The following RASAL2 variants were observed in gnomAD, a reference collection of about 807,000 sequenced individuals.
RASAL2 encodes the protein ras GTPase-activating protein nGAP.
RASAL2 carries 58 observed loss-of-function variants against 128.9 expected under a neutral mutation model. That is an observed-to-expected ratio of 0.45 (90% CI 0.36 to 0.56). RASAL2 has a LOEUF of 0.56. Among genes scored for constraint, RASAL2 ranks in the 20% least tolerant of loss-of-function variants. The pLI, the probability that RASAL2 is intolerant of heterozygous loss-of-function variation, is 0.00. For synonymous variants in RASAL2, 561 were observed against 580.8 expected (o/e 0.97, Z 0.49); for missense variants, 1,360 against 1,601.6 (o/e 0.85, Z 2.57).
At chr1:178,471,275 GA>G (rs1168185028) in intron 17 of RASAL2, among the ~76,000 whole-genome samples, 1 of 152,082 alleles carries the variant, frequency 6.6e-6, no homozygotes, top group African/African-American at 2.4e-5. Flanking sequence ...TGCGAGTAGG[GA>G]GGGGGGAATA....
intron 17 of RASAL2, 113 bp downstream of exon 17, chr1:178,467,534 T>G (rs1329226461): frequency 1.3e-6 from 1 of 778,642 alleles, no homozygotes. Flanking sequence ...CATTGAAAAG[T>G]TCTAGACGCT....
intron 1 of RASAL2, among the ~76,000 whole-genome samples, chr1:178,228,085 A>G (rs1663859064): frequency 6.6e-6 from 1 of 152,248 alleles, no homozygotes; most frequent in South Asian, 2.1e-4. Flanking sequence ...ATAATAGAAC[A>G]TAATTTTGAG....
intron 1 of RASAL2, among the ~76,000 whole-genome samples, chr1:178,248,864 G>A (rs758519659): frequency 1.1e-4 from 16 of 152,050 alleles, no homozygotes; most frequent in Admixed American, 5.9e-4. Flanking sequence ...TTGACTATTG[G>A]CCCCCACTCT....
intron 9 of RASAL2, among the ~76,000 whole-genome samples, chr1:178,447,444 C>T (rs1677081737): frequency 6.6e-6 from 1 of 151,856 alleles, no homozygotes; most frequent in Non-Finnish European, 1.5e-5. Context: ...GAGGCCGAGG[C>T]AGGCCCACCA....
intron 1 of RASAL2, among the ~76,000 whole-genome samples, chr1:178,142,525 T>A (rs187443000): frequency 2.0e-4 from 31 of 152,334 alleles, no homozygotes; most frequent in Admixed American, 1.2e-3. Context: ...GGCTAAGTCC[T>A]GCTCTTTGGG....
chr1:178,301,861 A>G (rs978499059), intron 3 of RASAL2, among the ~76,000 whole-genome samples: 3 of 152,192 alleles, frequency 2.0e-5, no homozygotes, highest in Admixed American at 2.0e-4. Flanking sequence ...AGAGAGAACT[A>G]TATAGGAAAT....
intron 3 of RASAL2, among the ~76,000 whole-genome samples, chr1:178,355,987 G>A (rs913570883): frequency 2.6e-5 from 4 of 152,062 alleles, no homozygotes; most frequent in African/African-American, 9.7e-5. Flanking sequence ...TGGCCAGGAT[G>A]GCGAAACCCC....
chr1:178,158,289 C>T (rs1661151185), intron 1 of RASAL2, among the ~76,000 whole-genome samples: 1 of 152,204 alleles, frequency 6.6e-6, no homozygotes, highest in Admixed American at 6.5e-5. Context: ...GGTTCAAAAT[C>T]CCGTTCTGCC....
chr1:178,424,818 A>G (rs1675416045), intron 5 of RASAL2, among the ~76,000 whole-genome samples: 1 of 152,214 alleles, frequency 6.6e-6, no homozygotes, highest in South Asian at 2.1e-4. Context: ...ACTTTAAGAT[A>G]GCAGAAAAAC....
At chr1:178,143,408 G>A (rs1660604317) in intron 1 of RASAL2, among the ~76,000 whole-genome samples, 2 of 151,796 alleles carry the variant, frequency 1.3e-5, no homozygotes, top group South Asian at 4.2e-4. Flanking sequence ...TAAAAAGGGT[G>A]TTTTTTATTC....
intron 1 of RASAL2, among the ~76,000 whole-genome samples, chr1:178,265,982 AC>A (rs1180553433): frequency 6.6e-6 from 1 of 152,200 alleles, no homozygotes; most frequent in African/African-American, 2.4e-5. Context: ...TTTATGAATT[AC>A]CAAAATTTAT....
At position 178,197,464 on chromosome 1, in the gene RASAL2, C is replaced by A. The variant is rs796286401; in HGVS notation, c.203-86100C>A. 2.0e-5 allele frequency among the ~76,000 whole-genome samples: 3 copies of A among 150,314 alleles called. No homozygotes were observed. In the East Asian group the frequency reaches 5.8e-4, roughly 29 times the overall value. ...GCGAGACTCTGTCTCGAAAAAAAAA[C>A]CAGGCGTGGTGGTGTGCACCTGTAG... On this transcript the variant is annotated intron_variant, in intron 1 of 17. Transcript: ENST00000367649.
intron 1 of RASAL2, among the ~76,000 whole-genome samples, chr1:178,186,460 T>C (rs1662302980): frequency 6.6e-6 from 1 of 152,162 alleles, no homozygotes; most frequent in Admixed American, 6.5e-5. Flanking sequence ...ACTCAGCTTT[T>C]TAAAAAAGTA....
At chr1:178,159,450 A>C (rs1272813116) in intron 1 of RASAL2, among the ~76,000 whole-genome samples, 1 of 152,236 alleles carries the variant, frequency 6.6e-6, no homozygotes, top group African/African-American at 2.4e-5. Flanking sequence ...GCCAGTCTGC[A>C]TACAGCGTAG....
intron 1 of RASAL2, among the ~76,000 whole-genome samples, chr1:178,219,652 GAA>G (rs1663550319): frequency 6.7e-6 from 1 of 150,286 alleles, no homozygotes; most frequent in African/African-American, 2.4e-5. Flanking sequence ...AAAAAAGAAA[GAA>G]AGAAAGAAAG....
At position 178,451,552 on chromosome 1, in the gene RASAL2, A is replaced by G; in HGVS notation, c.1628-19A>G. 3.7e-6 allele frequency: 6 copies of G among 1,610,628 alleles called. No individual in the cohort carries two copies. Among genetic ancestry groups the G allele is most frequent in the Non-Finnish European group, 5.1e-6 (6 of 1,178,050 alleles). The stretch of plus-strand genomic sequence containing the variant: ...AGACACTGTTTATAGCTATACCGTT[A>G]TCTTCTCTCTTCAAATAGGGGAGTT... On this transcript the variant is annotated intron_variant, in intron 9 of 17. Coordinates refer to ENST00000367649, the MANE Select transcript of RASAL2 (RefSeq NM_170692.4).
At chr1:178,291,046 T>C (rs1016550240) in intron 2 of RASAL2, among the ~76,000 whole-genome samples, 2 of 151,996 alleles carry the variant, frequency 1.3e-5, no homozygotes, top group South Asian at 2.1e-4. Flanking sequence ...GATTATAGTA[T>C]GGAGTGGAGA....
intron 1 of RASAL2, among the ~76,000 whole-genome samples, chr1:178,172,726 A>G (rs557058557): frequency 6.6e-6 from 1 of 152,118 alleles, no homozygotes; most frequent in Non-Finnish European, 1.5e-5. Context: ...ACATAATGAG[A>G]TAGTGAAGTC....
At chr1:178,314,895 C>T (rs891295820) in intron 3 of RASAL2, among the ~76,000 whole-genome samples, 1 of 147,926 alleles carries the variant, frequency 6.8e-6, no homozygotes, top group Non-Finnish European at 1.5e-5. Flanking sequence ...CCCACTAACT[C>T]GTCATCTAGC....
Sources: allele counts gnomAD v4.1 joint callset (sites outside exome capture counted in the v4.1 genomes callset), GRCh38; gene constraint gnomAD v4.1.1; transcripts MANE v1.5; gene names NCBI Gene and HGNC (gene_info 2026-07-23, HGNC 2026-07-21).